ROBO2: variants seen among roughly 807,000 people sequenced by gnomAD.
The protein encoded by ROBO2 is roundabout guidance receptor 2.
In ROBO2, 53 loss-of-function variants were observed where a neutral mutation model predicts 160.8. The ratio of observed to expected loss-of-function variants is 0.33; its 90% CI spans 0.26 to 0.41. The LOEUF (loss-of-function observed/expected upper bound fraction) is 0.41. ROBO2 is among the 10% of genes least tolerant of loss of function. The pLI is 1.00. For synonymous variants in ROBO2, 664 were observed against 611.7 expected, an observed-to-expected ratio of 1.09 and a Z score of -1.26; for missense variants, 1,577 against 1,722.4, an observed-to-expected ratio of 0.92 and a Z score of 1.49.
intron 2 of ROBO2, among the ~76,000 whole-genome samples, chr3:76,644,452 C>T (rs1338129070): frequency 6.6e-6 from 1 of 152,190 alleles, no homozygotes; most frequent in Non-Finnish European, 1.5e-5. Context: ...CTATCTTGCG[C>T]TGGGCCCTCT....
At chr3:76,404,991 C>T (rs935825011) in intron 2 of ROBO2, among the ~76,000 whole-genome samples, 1 of 151,564 alleles carries the variant, frequency 6.6e-6, no homozygotes, top group African/African-American at 2.4e-5. Context: ...GCTTAAAACT[C>T]TTCCCAGAGC....
intron 2 of ROBO2, among the ~76,000 whole-genome samples, chr3:77,377,991 A>G (rs1190836837): frequency 1.3e-5 from 2 of 152,302 alleles, no homozygotes; most frequent in East Asian, 1.9e-4. Flanking sequence ...TCCTCTTTGC[A>G]GTAATTTAGG....
At chr3:77,233,545 C>T (rs1021947398) in intron 2 of ROBO2, among the ~76,000 whole-genome samples, 1 of 152,122 alleles carries the variant, frequency 6.6e-6, no homozygotes, top group Admixed American at 6.6e-5. Flanking sequence ...CTGGAATACT[C>T]ATATTAGGAT....
chr3:75,920,805 T>G, intron 1 of ROBO2, among the ~76,000 whole-genome samples: 1 of 152,294 alleles, frequency 6.6e-6, no homozygotes, highest in African/African-American at 2.4e-5. Flanking sequence ...TTTTTTATCT[T>G]TGTTGGTTCA....
intron 2 of ROBO2, among the ~76,000 whole-genome samples, chr3:76,480,582 G>C (rs1037839070): frequency 1.3e-5 from 2 of 152,142 alleles, no homozygotes; most frequent in East Asian, 1.9e-4. Context: ...TCAAGGCAGT[G>C]ATAGATTCAG....
At chr3:76,215,004 C>T (rs993111220) in intron 2 of ROBO2, among the ~76,000 whole-genome samples, 2 of 152,124 alleles carry the variant, frequency 1.3e-5, no homozygotes. Context: ...TGAGGCTCAC[C>T]AATATCTGCT....
chr3:76,261,206 A>G (rs62261361), intron 2 of ROBO2, among the ~76,000 whole-genome samples: 45,360 of 136,318 alleles, frequency 0.33, 10,052 homozygotes, highest in Non-Finnish European at 0.42. Context: ...GTGTGTGTAT[A>G]TATATATATA....
chr3:76,358,489 T>C (rs1432830352), intron 2 of ROBO2, among the ~76,000 whole-genome samples: 1 of 152,066 alleles, frequency 6.6e-6, no homozygotes, highest in Non-Finnish European at 1.5e-5. Context: ...TTTATTCATC[T>C]TTGTCCATAG....
chr3:76,923,108 G>A lies in ROBO2; in HGVS notation c.110-174906G>A, dbSNP rs1196382405. ...TCGGGCATCAAGGGCAGAGTATATG[G>A]GCTCCATTCCTTCTGGTGTCCCCAG... On this transcript the variant is annotated intron_variant, in intron 2 of 26. Coordinates refer to the ROBO2 transcript ENST00000487694. 2.0e-5 allele frequency among the ~76,000 whole-genome samples: 3 copies of A among 152,104 alleles called. No homozygotes were observed. In the East Asian group the frequency reaches 5.8e-4, roughly 29 times the overall value.
chr3:76,066,101 A>G (rs1354951955), intron 2 of ROBO2, among the ~76,000 whole-genome samples: 2 of 152,120 alleles, frequency 1.3e-5, no homozygotes, highest in African/African-American at 4.8e-5. Flanking sequence ...CAAATGTGAC[A>G]TGATCTCATT....
intron 4 of ROBO2, among the ~76,000 whole-genome samples, chr3:77,490,059 T>C (rs1311845710): frequency 6.6e-6 from 1 of 152,014 alleles, no homozygotes; most frequent in African/African-American, 2.4e-5. Context: ...GGCATGCCCG[T>C]CTTGTTCCGG....
chr3:77,288,733 A>G (rs1214398734), intron 2 of ROBO2, among the ~76,000 whole-genome samples: 1 of 152,092 alleles, frequency 6.6e-6, no homozygotes, highest in African/African-American at 2.4e-5. Flanking sequence ...CAATTAGAGG[A>G]TTGCATTCAT....
intron 5 of ROBO2, among the ~76,000 whole-genome samples, chr3:77,494,995 G>A (rs1031884269): frequency 2.6e-5 from 4 of 152,176 alleles, no homozygotes; most frequent in Admixed American, 6.5e-5. Flanking sequence ...AGTAGAAGAG[G>A]TTTGTAAATG....
chr3:76,065,943 C>T (rs2068240129), intron 2 of ROBO2, among the ~76,000 whole-genome samples: 1 of 151,698 alleles, frequency 6.6e-6, no homozygotes, highest in South Asian at 2.1e-4. Context: ...TGTATTATTC[C>T]CTGCTCACAA....
intron 2 of ROBO2, among the ~76,000 whole-genome samples, chr3:77,125,867 A>C (rs1357373486): frequency 6.6e-6 from 1 of 152,174 alleles, no homozygotes; most frequent in Non-Finnish European, 1.5e-5. Flanking sequence ...TGTCATAAAA[A>C]TATGGCTATG....
intron 2 of ROBO2, among the ~76,000 whole-genome samples, chr3:76,141,115 TGCTCTC>T (rs1559585824): frequency 2.6e-5 from 1 of 37,956 alleles, no homozygotes; most frequent in Admixed American, 3.1e-4. Flanking sequence ...TGAGCTACCA[TGCTCTC>T]TCTCTCTCTC....
chr3:77,132,014 T>C (rs933924723), intron 2 of ROBO2, among the ~76,000 whole-genome samples: 2 of 152,114 alleles, frequency 1.3e-5, no homozygotes, highest in Non-Finnish European at 2.9e-5. Flanking sequence ...TCATTTGAAA[T>C]CAGTCATTTA....
intron 24 of ROBO2, among the ~76,000 whole-genome samples, chr3:77,640,795 C>A (rs2095340735): frequency 1.3e-5 from 2 of 152,138 alleles, no homozygotes; most frequent in Non-Finnish European, 2.9e-5. Context: ...AATCCCATGT[C>A]TTTTTCCAAT....
At chr3:77,015,622 T>C (rs1398656809) in intron 2 of ROBO2, among the ~76,000 whole-genome samples, 1 of 152,198 alleles carries the variant, frequency 6.6e-6, no homozygotes, top group Admixed American at 6.5e-5. Context: ...TATGGGCCAA[T>C]AATTTTCAAA....
Sources: allele counts gnomAD v4.1 joint callset (sites outside exome capture counted in the v4.1 genomes callset), GRCh38; gene constraint gnomAD v4.1.1; transcripts MANE v1.5; gene names NCBI Gene and HGNC (gene_info 2026-07-23, HGNC 2026-07-21).